TRHDE: variants seen among roughly 807,000 people sequenced by gnomAD.
The protein encoded by TRHDE is thyrotropin-releasing hormone-degrading ectoenzyme.
TRHDE carries 72 observed loss-of-function variants against 125.7 expected under a neutral mutation model. That is an observed-to-expected ratio of 0.57 (90% CI 0.47 to 0.70). TRHDE has a LOEUF of 0.70. TRHDE is among the 30% of genes least tolerant of loss of function. TRHDE has a pLI of 0.00. For synonymous variants in TRHDE, 509 were observed against 509.1 expected (o/e 1.00, Z 0.00); for missense variants, 1,110 against 1,327.1 (o/e 0.84, Z 2.54).
intron 12 of TRHDE, among the ~76,000 whole-genome samples, chr12:72,590,131 A>T (rs1292259083): frequency 6.6e-6 from 1 of 151,898 alleles, no homozygotes; most frequent in African/African-American, 2.4e-5. Flanking sequence ...TCTTGAGAAA[A>T]ATGATTACTC....
chr12:72,585,554 A>T (rs1871405489), intron 12 of TRHDE, among the ~76,000 whole-genome samples: 1 of 152,204 alleles, frequency 6.6e-6, no homozygotes, highest in South Asian at 2.1e-4. Context: ...GTAAACACAC[A>T]TCCTAATGCC....
intron 2 of TRHDE, among the ~76,000 whole-genome samples, chr12:72,174,568 G>C (rs1041601457): frequency 1.3e-5 from 2 of 151,786 alleles, no homozygotes; most frequent in Non-Finnish European, 2.9e-5. Flanking sequence ...CTTTTCATCT[G>C]GAACTCTTCC....
intron 6 of TRHDE, among the ~76,000 whole-genome samples, chr12:72,534,373 T>A (rs186883240): frequency 2.6e-4 from 40 of 152,278 alleles, no homozygotes; most frequent in Non-Finnish European, 4.6e-4. Flanking sequence ...TTCTTATCTT[T>A]GTTTTCTTGT....
chr12:72,370,945 G>A (rs924700923), intron 2 of TRHDE, among the ~76,000 whole-genome samples: 1 of 152,084 alleles, frequency 6.6e-6, no homozygotes, highest in African/African-American at 2.4e-5. Context: ...GTTTCGCCAT[G>A]TTGGCCATGC....
chr12:72,399,278 A>G (rs1174683630), intron 3 of TRHDE, among the ~76,000 whole-genome samples: 1 of 152,210 alleles, frequency 6.6e-6, no homozygotes, highest in East Asian at 1.9e-4. Flanking sequence ...AATGTTAGAA[A>G]AATCTTCACA....
At chr12:72,166,924 G>GTGTT (rs1319282612) in intron 2 of TRHDE, among the ~76,000 whole-genome samples, 1 of 150,996 alleles carries the variant, frequency 6.6e-6, no homozygotes, top group African/African-American at 2.5e-5. Flanking sequence ...GTGTGTGTGT[G>GTGTT]TGTGTGTGTG....
At chr12:72,503,920 T>G (rs953103467) in intron 6 of TRHDE, among the ~76,000 whole-genome samples, 7 of 152,154 alleles carry the variant, frequency 4.6e-5, no homozygotes, top group African/African-American at 1.7e-4. Context: ...TTCTGACTGG[T>G]CAGTGAAGGT....
chr12:72,215,469 A>G lies in TRHDE; in HGVS notation n.279+109717A>G, dbSNP rs1028811144. Among the ~76,000 whole-genome samples the G allele has an allele frequency of 3.7e-4, 57 of 152,224 alleles. 1 individual carries two copies. The highest frequency in any genetic ancestry group is 1.2e-3 in the African/African-American group (51 of 41,464). ...AGAGGCCTGACAGTGCACCCTATCC[A>G]TGACCTACTTGCCAGTGATGGGAAG... On this transcript the variant is annotated intron_variant and non_coding_transcript_variant, in intron 2 of 4. Coordinates refer to the TRHDE transcript ENST00000548156.
At chr12:72,180,648 C>T (rs1225037309) in intron 2 of TRHDE, among the ~76,000 whole-genome samples, 1 of 152,144 alleles carries the variant, frequency 6.6e-6, no homozygotes, top group African/African-American at 2.4e-5. Context: ...CTATGTTTTT[C>T]TAGCTGTCCA....
chr12:72,625,626 A>T (rs1392407583), intron 15 of TRHDE, among the ~76,000 whole-genome samples: 3 of 151,866 alleles, frequency 2.0e-5, no homozygotes, highest in Non-Finnish European at 4.4e-5. Context: ...TATATTGAGC[A>T]TTTACTACAT....
At chr12:72,215,547 A>T (rs1877871648) in intron 2 of TRHDE, among the ~76,000 whole-genome samples, 1 of 152,184 alleles carries the variant, frequency 6.6e-6, no homozygotes, top group Non-Finnish European at 1.5e-5. Flanking sequence ...CTTTTCTGCC[A>T]CTTCATTCAA....
intron 3 of TRHDE, among the ~76,000 whole-genome samples, chr12:72,452,191 T>G (rs551422746): frequency 1.4e-4 from 12 of 88,450 alleles, no homozygotes; most frequent in Middle Eastern, 6.5e-3. Flanking sequence ...ATTCCTGAGG[T>G]TTTTTTTTTG....
In TRHDE at chr12:72,160,637, C is replaced by T. The variant is rs373254980; in HGVS notation, n.279+54885C>T. On this transcript the variant is annotated intron_variant and non_coding_transcript_variant, in intron 2 of 4. Transcript: ENST00000548156. ...CTGGGAGGCGGAGGTTACAGTGAGC[C>T]GAGACTGCGCCACTGCACTCCAGCC... 5.0e-4 allele frequency among the ~76,000 whole-genome samples: 76 copies of T among 152,014 alleles called. 1 individual carries two copies. In the East Asian group the frequency reaches 5.2e-3, roughly 10 times the overall value.
upstream of TRHDE, among the ~76,000 whole-genome samples, chr12:72,270,537 C>G (rs1879172872): frequency 6.6e-6 from 1 of 152,192 alleles, no homozygotes; most frequent in Admixed American, 6.5e-5. Flanking sequence ...AAGCCAGAAG[C>G]ATTAACCAGT....
intron 2 of TRHDE, among the ~76,000 whole-genome samples, chr12:72,140,808 C>T (rs931929921): frequency 2.6e-5 from 4 of 152,106 alleles, no homozygotes; most frequent in African/African-American, 9.7e-5. Context: ...GTTATTTCAA[C>T]TGAGTTTTGG....
At chr12:72,358,721 G>T (rs1180124502) in intron 2 of TRHDE, among the ~76,000 whole-genome samples, 1 of 151,554 alleles carries the variant, frequency 6.6e-6, no homozygotes, top group Non-Finnish European at 1.5e-5. Flanking sequence ...CCAAAAGAGA[G>T]TTATTTGAAA....
intron 6 of TRHDE, among the ~76,000 whole-genome samples, chr12:72,529,824 C>T (rs1868449329): frequency 6.6e-6 from 1 of 151,958 alleles, no homozygotes; most frequent in Admixed American, 6.6e-5. Flanking sequence ...TTCTGTTATC[C>T]CTCCTCACTC....
At chr12:72,197,406 G>T (rs1238310175) in intron 2 of TRHDE, among the ~76,000 whole-genome samples, 1 of 152,096 alleles carries the variant, frequency 6.6e-6, no homozygotes, top group Non-Finnish European at 1.5e-5. Context: ...TCACTAGAAT[G>T]GTAGCTTCAT....
chr12:72,412,142 G>A (rs1873539559), intron 3 of TRHDE, among the ~76,000 whole-genome samples: 1 of 152,060 alleles, frequency 6.6e-6, no homozygotes, highest in Admixed American at 6.6e-5. Flanking sequence ...ATTAACATCT[G>A]TCTATCAAAA....
Sources: allele counts gnomAD v4.1 joint callset (sites outside exome capture counted in the v4.1 genomes callset), GRCh38; gene constraint gnomAD v4.1.1; transcripts MANE v1.5; gene names NCBI Gene and HGNC (gene_info 2026-07-23, HGNC 2026-07-21).